Variants in CD2AP observed in about 807,000 individuals in gnomAD.
CD2AP encodes the protein CD2 associated protein.
Under a neutral mutation model 85.1 loss-of-function variants are expected in CD2AP, and 46 were observed. The ratio of observed to expected loss-of-function variants is 0.54; its 90% CI spans 0.43 to 0.69. The LOEUF is 0.69. Ranked by LOEUF, CD2AP falls within the 30% of genes least tolerant of loss-of-function variation. CD2AP has a pLI of 0.00. For missense variants in CD2AP, 769 were observed against 729.5 expected (o/e 1.05, Z -0.62); for synonymous variants, 255 against 252.9 (o/e 1.01, Z -0.08).
At chr6:47,536,482 A>C (rs1316570086) in intron 3 of CD2AP, among the ~76,000 whole-genome samples, 1 of 152,202 alleles carries the variant, frequency 6.6e-6, no homozygotes, top group Non-Finnish European at 1.5e-5. Context: ...TTGTCTAAGC[A>C]ACTACAAAGG....
chr6:47,532,843 A>G (rs1766924460), intron 2 of CD2AP, among the ~76,000 whole-genome samples: 1 of 152,202 alleles, frequency 6.6e-6, no homozygotes. Context: ...GAACTGATAT[A>G]TTTTTATGAT....
intron 11 of CD2AP, among the ~76,000 whole-genome samples, chr6:47,587,406 A>G (rs1213395716): frequency 6.7e-6 from 1 of 148,402 alleles, no homozygotes; most frequent in Non-Finnish European, 1.5e-5. Context: ...ATATTTTCTC[A>G]AATGTTTAGA....
intron 5 of CD2AP, among the ~76,000 whole-genome samples, chr6:47,557,867 T>A (rs1035559836): frequency 1.3e-5 from 2 of 152,182 alleles, no homozygotes; most frequent in South Asian, 2.1e-4. Flanking sequence ...GTGAAGAAAG[T>A]CAGTGGTAGC....
chr6:47,591,927 TGATTC>T (rs1470945862), intron 11 of CD2AP, among the ~76,000 whole-genome samples: 3 of 152,076 alleles, frequency 2.0e-5, no homozygotes, highest in Non-Finnish European at 2.9e-5. Context: ...TAGGCTCAGG[TGATTC>T]TCTCACCTCG....
At chr6:47,589,465 T>TAC (rs1272090886) in intron 11 of CD2AP, among the ~76,000 whole-genome samples, 1 of 147,556 alleles carries the variant, frequency 6.8e-6, no homozygotes. Context: ...TATACATATA[T>TAC]ACACACACAT....
At chr6:47,592,510 A>G (rs1220427311) in intron 11 of CD2AP, among the ~76,000 whole-genome samples, 1 of 152,162 alleles carries the variant, frequency 6.6e-6, no homozygotes, top group Non-Finnish European at 1.5e-5. Flanking sequence ...TCCTGGCACC[A>G]TAGCTCCTAA....
chr6:47,555,988 T>C (rs184555266), intron 5 of CD2AP, among the ~76,000 whole-genome samples: 143 of 152,026 alleles, frequency 9.4e-4, no homozygotes, highest in African/African-American at 3.3e-3. Context: ...ATAAAGTTGG[T>C]ATAGCAAATG....
chr6:47,498,280 C>T (rs573261967), intron 1 of CD2AP, among the ~76,000 whole-genome samples: 2 of 152,220 alleles, frequency 1.3e-5, no homozygotes, highest in East Asian at 3.9e-4. Context: ...TTTTCTTTTT[C>T]TAGAATCCAG....
intron 11 of CD2AP, among the ~76,000 whole-genome samples, chr6:47,590,610 G>T (rs1370652399): frequency 2.0e-5 from 3 of 152,052 alleles, no homozygotes; most frequent in African/African-American, 7.2e-5. Context: ...GTGCAGGCAC[G>T]TTCCACAGTG....
At chr6:47,518,102 G>T in intron 2 of CD2AP, among the ~76,000 whole-genome samples, 1 of 152,188 alleles carries the variant, frequency 6.6e-6, no homozygotes, top group Non-Finnish European at 1.5e-5. Context: ...GTTTATATGT[G>T]TATATATACT....
chr6:47,543,755 A>G (rs9349413), intron 3 of CD2AP, among the ~76,000 whole-genome samples: 29,009 of 152,186 alleles, frequency 0.19, 3,350 homozygotes, highest in Non-Finnish European at 0.27. Context: ...CACTATTGCC[A>G]GACACATTGG....
rs2113950910 is a variant in CD2AP, at chr6:47,477,966, C to T, written c.-279C>T. 2 of 519,990 alleles carry T rather than the reference C, an allele frequency of 3.8e-6. No individual in the cohort carries two copies. Among genetic ancestry groups the T allele is most frequent in the African/African-American group, 4.2e-5 (2 of 47,524 alleles). 32.2% of individuals were successfully genotyped at this position (519,990 alleles called of 1,614,324 possible). A position where few individuals can be genotyped will look rare whatever the true frequency, so the allele number is the denominator to read the frequency against. On this transcript the variant is annotated 5_prime_UTR_variant, in exon 1 of 18. Transcript: ENST00000359314. ...GCGGCCAGGGTGGGAAAACCGCGGTCGGGCGGGCGGGGTAGGGCCCTCCCG... is the reference window on the plus strand; with the variant it reads ...GCGGCCAGGGTGGGAAAACCGCGGTTGGGCGGGCGGGGTAGGGCCCTCCCG...
At chr6:47,556,493 A>G (rs769633907) in intron 5 of CD2AP, among the ~76,000 whole-genome samples, 5 of 151,918 alleles carry the variant, frequency 3.3e-5, no homozygotes, top group Non-Finnish European at 5.9e-5. Flanking sequence ...GATTACAGGC[A>G]TGTGCCACCA....
At chr6:47,565,744 C>T (rs1767974758) in intron 5 of CD2AP, among the ~76,000 whole-genome samples, 1 of 152,104 alleles carries the variant, frequency 6.6e-6, no homozygotes, top group African/African-American at 2.4e-5. Context: ...AATCTATTTT[C>T]TTTTTACCAC....
intron 11 of CD2AP, among the ~76,000 whole-genome samples, chr6:47,589,581 T>TATATATATATATATATATATATA (rs1562046500): frequency 1.5e-4 from 23 of 148,542 alleles, no homozygotes; most frequent in South Asian, 6.5e-4. Flanking sequence ...TATATATATA[T>TATATATATATATATATATATATA]TTGTCAGAGT....
intron 17 of CD2AP, among the ~76,000 whole-genome samples, chr6:47,620,973 A>C (rs1033897673): frequency 2.6e-5 from 4 of 152,124 alleles, no homozygotes; most frequent in Non-Finnish European, 5.9e-5. Context: ...AAGGTAAATG[A>C]TTGTATCGTC....
chr6:47,520,422 G>C (rs1160037139), intron 2 of CD2AP, among the ~76,000 whole-genome samples: 1 of 152,218 alleles, frequency 6.6e-6, no homozygotes, highest in Non-Finnish European at 1.5e-5. Context: ...GTTGTCGGGA[G>C]GGGCTCCCCA....
chr6:47,525,255 T>A (rs1484562196), intron 2 of CD2AP, among the ~76,000 whole-genome samples: 1 of 152,104 alleles, frequency 6.6e-6, no homozygotes, highest in Non-Finnish European at 1.5e-5. Flanking sequence ...GTAATACCAC[T>A]TTTTCATATT....
chr6:47,607,825 A>C, intron 14 of CD2AP, 102 bp from the exon 15 acceptor site: 1 of 722,904 alleles, frequency 1.4e-6, no homozygotes, highest in South Asian at 1.8e-5. Context: ...CAACAGTAGC[A>C]GCTGAAAATC....
Sources: gnomAD v4.1 joint callset for allele counts (sites outside exome capture counted in the v4.1 genomes callset) on GRCh38, gnomAD v4.1.1 for gene constraint, MANE v1.5 for transcripts, NCBI Gene and HGNC (gene_info 2026-07-23, HGNC 2026-07-21) for gene names.